The following RFX3 variants were observed in gnomAD, a reference collection of about 807,000 sequenced individuals.
RFX3 encodes the protein regulatory factor X3.
RFX3 carries 14 observed loss-of-function variants against 98.6 expected under a neutral mutation model. That is an observed-to-expected ratio of 0.14 (90% CI 0.09 to 0.22). The LOEUF (loss-of-function observed/expected upper bound fraction) is 0.22. RFX3 is among the 10% of genes least tolerant of loss of function. The pLI is 1.00. For synonymous variants in RFX3, 383 were observed against 328.4 expected (o/e 1.17, Z -1.80); for missense variants, 639 against 926.9 (o/e 0.69, Z 4.03).
chr9:3,263,526 C>T (rs1823192265), intron 12 of RFX3, among the ~76,000 whole-genome samples: 2 of 152,064 alleles, frequency 1.3e-5, no homozygotes, highest in African/African-American at 4.8e-5. Context: ...CTGGACATTC[C>T]TACTCTTTAC....
At chr9:3,498,656 T>C (rs1455807399) in intron 1 of RFX3, among the ~76,000 whole-genome samples, 1 of 152,114 alleles carries the variant, frequency 6.6e-6, no homozygotes, top group African/African-American at 2.4e-5. Flanking sequence ...CTATTATTGC[T>C]ATTTTAATAC....
chr9:3,386,815 A>T (rs1255997639), intron 2 of RFX3, among the ~76,000 whole-genome samples: 1 of 152,194 alleles, frequency 6.6e-6, no homozygotes. Flanking sequence ...AGACAAGTAC[A>T]TATGTCTCTT....
chr9:3,437,238 T>C (rs1347300451), intron 1 of RFX3, among the ~76,000 whole-genome samples: 1 of 152,050 alleles, frequency 6.6e-6, no homozygotes, highest in Non-Finnish European at 1.5e-5. Flanking sequence ...GCCCTAATAT[T>C]CATGGAGACT....
chr9:3,354,745 CTG>C (rs1835549545), intron 2 of RFX3, among the ~76,000 whole-genome samples: 1 of 151,704 alleles, frequency 6.6e-6, no homozygotes, highest in Non-Finnish European at 1.5e-5. Context: ...TAGATGGAAA[CTG>C]AGATCTACAT....
chr9:3,370,045 G>T (rs1481999831), intron 2 of RFX3, among the ~76,000 whole-genome samples: 1 of 142,164 alleles, frequency 7.0e-6, no homozygotes, highest in Middle Eastern at 3.5e-3. Flanking sequence ...GTTTCCCCGT[G>T]TTAGCCAGGA....
Position 3,258,425 on chromosome 9 carries a change from C to T in RFX3, c.1606-1226G>A, listed in dbSNP as rs141560540. Among the ~76,000 whole-genome samples the T allele has an allele frequency of 2.7e-3, 416 of 152,200 alleles. 3 individuals carry two copies. Among genetic ancestry groups the T allele is most frequent in the African/African-American group, 9.6e-3 (401 of 41,566 alleles). ...TCTAGTTCCAGTATCTCTCCTGATC[C>T]TACAGACTTTACCTATTCAAGGGAC... On this transcript the variant is annotated intron_variant, in intron 13 of 16. Coordinates refer to ENST00000617270, the MANE Select transcript of RFX3 (RefSeq NM_001282116.2).
chr9:3,280,849 C>T (rs1414594124), intron 7 of RFX3, among the ~76,000 whole-genome samples: 1 of 151,590 alleles, frequency 6.6e-6, no homozygotes, highest in Admixed American at 6.6e-5. Context: ...CTGTTGGTCC[C>T]AAATAGATTC....
chr9:3,501,674 A>G (rs1367813419), intron 1 of RFX3, among the ~76,000 whole-genome samples: 1 of 149,194 alleles, frequency 6.7e-6, no homozygotes, highest in Non-Finnish European at 1.5e-5. Context: ...CTCGTGCCTC[A>G]GCCTCCAGAG....
At chr9:3,365,961 C>A (rs978128360) in intron 2 of RFX3, among the ~76,000 whole-genome samples, 4 of 151,854 alleles carry the variant, frequency 2.6e-5, no homozygotes, top group Non-Finnish European at 5.9e-5. Context: ...TTAGGAGTTA[C>A]CACTGGGAGG....
intron 15 of RFX3, among the ~76,000 whole-genome samples, chr9:3,232,780 G>C (rs536273646): frequency 2.8e-4 from 41 of 148,320 alleles, no homozygotes; most frequent in African/African-American, 8.7e-4. Flanking sequence ...CTGAGAGAGA[G>C]AGAGAGAGAG....
At chr9:3,324,463 CT>C (rs984716476) in intron 4 of RFX3, among the ~76,000 whole-genome samples, 19 of 151,374 alleles carry the variant, frequency 1.3e-4, no homozygotes, top group Admixed American at 2.0e-4. Flanking sequence ...TCAGCTCCTT[CT>C]AATATAATCA....
chr9:3,382,864 T>C (rs530972948), intron 2 of RFX3, among the ~76,000 whole-genome samples: 4 of 152,282 alleles, frequency 2.6e-5, no homozygotes, highest in Non-Finnish European at 5.9e-5. Flanking sequence ...TGGTTTAAAC[T>C]GGATATTTTT....
At chr9:3,465,796 G>A (rs902034625) in intron 1 of RFX3, among the ~76,000 whole-genome samples, 1 of 152,010 alleles carries the variant, frequency 6.6e-6, no homozygotes, top group African/African-American at 2.4e-5. Flanking sequence ...GGTAAAGATA[G>A]TAAGTATTGC....
At chr9:3,420,123 T>A (rs567045835) in intron 1 of RFX3, among the ~76,000 whole-genome samples, 1 of 152,302 alleles carries the variant, frequency 6.6e-6, no homozygotes, top group Admixed American at 6.5e-5. Flanking sequence ...CCTCCGACCA[T>A]CCTTCAGTGA....
chr9:3,431,502 C>T (rs7032961), intron 1 of RFX3, among the ~76,000 whole-genome samples: 64,014 of 152,004 alleles, frequency 0.42, 18,628 homozygotes, highest in African/African-American at 0.81. Context: ...ACTACAGTTA[C>T]GCCAACAGGT....
intron 1 of RFX3, among the ~76,000 whole-genome samples, chr9:3,416,723 A>G (rs1843017793): frequency 6.6e-6 from 1 of 152,176 alleles, no homozygotes; most frequent in Non-Finnish European, 1.5e-5. Flanking sequence ...CTGAAAGAGT[A>G]AAACATAAAG....
At chr9:3,429,237 T>G (rs923159002) in intron 1 of RFX3, among the ~76,000 whole-genome samples, 1 of 151,022 alleles carries the variant, frequency 6.6e-6, no homozygotes, top group African/African-American at 2.4e-5. Flanking sequence ...TTAGCCAAGA[T>G]GGTCTCGATC....
At chr9:3,413,009 AAAGCACAGCCTTTAATATAG>A (rs1842588069) in intron 1 of RFX3, among the ~76,000 whole-genome samples, 1 of 152,152 alleles carries the variant, frequency 6.6e-6, no homozygotes, top group Non-Finnish European at 1.5e-5. Flanking sequence ...TTAATTGGTT[AAAGCACAGCCTTTAATATAG>A]AAAATTTTCT....
intron 1 of RFX3, chr9:3,488,686 A>G (rs948055823): frequency 1.5e-6 from 1 of 651,494 alleles, no homozygotes; most frequent in African/African-American, 2.0e-5. Flanking sequence ...CCTTAGACAC[A>G]AAACTACTCA....
Sources: allele counts gnomAD v4.1 joint callset (sites outside exome capture counted in the v4.1 genomes callset), GRCh38; gene constraint gnomAD v4.1.1; transcripts MANE v1.5; gene names NCBI Gene and HGNC (gene_info 2026-07-23, HGNC 2026-07-21).